Variants in RGS6 observed in about 807,000 individuals in gnomAD.
RGS6 encodes the protein regulator of G protein signaling 6.
In RGS6, 30 loss-of-function variants were observed where a neutral mutation model predicts 78.5. That is an observed-to-expected ratio of 0.38 (90% CI 0.29 to 0.52). RGS6 has a LOEUF of 0.52. RGS6 is among the 20% of genes least tolerant of loss of function. The probability of loss-of-function intolerance (pLI) is 0.85; values close to 1 mark genes in which losing one functional copy is unlikely to be tolerated. For missense variants in RGS6, 495 were observed against 609.7 expected (o/e 0.81, Z 1.98); for synonymous variants, 206 against 206.0 (o/e 1.00, Z 0.00).
At chr14:72,586,582 T>C in the RGS6 span, among the ~76,000 whole-genome samples, 56,372 of 152,016 alleles carry the variant, frequency 0.37, 11,210 homozygotes, top group Non-Finnish European at 0.43. Flanking sequence ...AGTAAGATAC[T>C]GATCCTTTCG....
chr14:72,324,128 T>C (rs185444844), intron 2 of RGS6, among the ~76,000 whole-genome samples: 143 of 152,198 alleles, frequency 9.4e-4, no homozygotes, highest in Non-Finnish European at 1.4e-3. Context: ...AAATACTAGA[T>C]ATTATTCATT....
intron 3 of RGS6, among the ~76,000 whole-genome samples, chr14:72,356,690 G>T (rs1206601274): frequency 5.9e-5 from 9 of 152,184 alleles, no homozygotes; most frequent in Admixed American, 4.6e-4. Context: ...CCTCTATGCT[G>T]TTCTCATGAT....
intron 2 of RGS6, among the ~76,000 whole-genome samples, chr14:72,264,980 G>T (rs2153896749): frequency 6.6e-6 from 1 of 152,328 alleles, no homozygotes; most frequent in South Asian, 2.1e-4. Flanking sequence ...ATGCCTGCCA[G>T]GAGGGAGTTG....
intron 3 of RGS6, among the ~76,000 whole-genome samples, chr14:72,363,094 C>A (rs1001238028): frequency 6.6e-6 from 1 of 152,124 alleles, no homozygotes; most frequent in Non-Finnish European, 1.5e-5. Flanking sequence ...GAAAAGGATA[C>A]AAGAATTACA....
intron 2 of RGS6, among the ~76,000 whole-genome samples, chr14:72,277,813 A>C (rs2060931040): frequency 6.6e-6 from 1 of 152,120 alleles, no homozygotes; most frequent in African/African-American, 2.4e-5. Context: ...CTGTAGTCCC[A>C]GCTATTTGGG....
intron 2 of RGS6, among the ~76,000 whole-genome samples, chr14:72,292,626 C>A (rs1204211231): frequency 2.6e-5 from 4 of 152,212 alleles, no homozygotes; most frequent in Non-Finnish European, 4.4e-5. Context: ...GTTCTGCAGG[C>A]CTGACCTGCT....
rs571958134 is a variant in RGS6 at position 72,470,774 on chromosome 14, G to A, written c.536+691G>A. On this transcript the variant is annotated intron_variant, in intron 8 of 17. Coordinates refer to ENST00000553525, the MANE Select transcript of RGS6 (RefSeq NM_001204424.2). The stretch of plus-strand genomic sequence containing the variant: ...CATGCCTGTAATCCCAGCTACTCAG[G>A]AGGCTGAGGCAGGAGAATTGCTTGA... 3.0e-4 allele frequency among the ~76,000 whole-genome samples: 45 copies of A among 151,994 alleles called. 1 individual carries two copies. The highest frequency in any genetic ancestry group is 6.3e-4 in the South Asian group (3 of 4,790).
intron 2 of RGS6, among the ~76,000 whole-genome samples, chr14:72,031,298 C>T (rs559294542): frequency 6.6e-6 from 1 of 152,230 alleles, no homozygotes; most frequent in East Asian, 1.9e-4. Flanking sequence ...ACATTTCCTG[C>T]ATGTCCATGG....
chr14:72,353,679 A>G (rs866756464), intron 3 of RGS6, among the ~76,000 whole-genome samples: 1 of 152,096 alleles, frequency 6.6e-6, no homozygotes, highest in African/African-American at 2.4e-5. Context: ...GACTCTATAC[A>G]TAGGCCAAAA....
intron 3 of RGS6, among the ~76,000 whole-genome samples, chr14:72,379,260 T>G (rs1432701139): frequency 6.6e-6 from 1 of 152,198 alleles, no homozygotes; most frequent in South Asian, 2.1e-4. Context: ...GCTTTTTCAC[T>G]AAGAACTGGA....
intron 2 of RGS6, among the ~76,000 whole-genome samples, chr14:72,283,073 C>T (rs1464977525): frequency 2.0e-5 from 3 of 152,206 alleles, no homozygotes; most frequent in Non-Finnish European, 2.9e-5. Flanking sequence ...TAGTGTCCTC[C>T]AAGCTTATCT....
chr14:71,918,184 C>CAAAAAAAAAAA, the RGS6 span, among the ~76,000 whole-genome samples: 19 of 33,722 alleles, frequency 5.6e-4, 7 homozygotes, highest in Non-Finnish European at 9.2e-4. Context: ...ACTCCAGTCT[C>CAAAAAAAAAAA]AAAAAAAAAA....
chr14:72,291,618 A>G (rs1166499779), intron 2 of RGS6, among the ~76,000 whole-genome samples: 2 of 152,260 alleles, frequency 1.3e-5, no homozygotes, highest in African/African-American at 2.4e-5. Context: ...AATTGAGAAC[A>G]GCAAGCCAGA....
At chr14:72,320,480 A>G (rs1282077806) in intron 2 of RGS6, among the ~76,000 whole-genome samples, 1 of 152,174 alleles carries the variant, frequency 6.6e-6, no homozygotes. Flanking sequence ...TGGGAGGCTG[A>G]GGCAGGAGAA....
At chr14:71,966,502 G>A (rs2093524061) in intron 2 of RGS6, among the ~76,000 whole-genome samples, 1 of 152,198 alleles carries the variant, frequency 6.6e-6, no homozygotes, top group African/African-American at 2.4e-5. Context: ...CCCCAAACTG[G>A]GAGACCCCGT....
intron 1 of RGS6, among the ~76,000 whole-genome samples, chr14:71,954,125 T>C (rs2092604938): frequency 6.6e-6 from 1 of 151,890 alleles, no homozygotes; most frequent in Non-Finnish European, 1.5e-5. Flanking sequence ...GCAGTTTGAA[T>C]ATGATATACC....
chr14:72,207,084 GACATA>G (rs755190347), intron 2 of RGS6, among the ~76,000 whole-genome samples: 34 of 152,228 alleles, frequency 2.2e-4, no homozygotes, highest in Middle Eastern at 3.4e-3. Flanking sequence ...TAAACTCATA[GACATA>G]ACATATTTAT....
At chr14:72,034,097 A>G (rs1336183186) in intron 2 of RGS6, among the ~76,000 whole-genome samples, 4 of 152,114 alleles carry the variant, frequency 2.6e-5, no homozygotes, top group East Asian at 1.9e-4. Context: ...CCTTTGCCCA[A>G]TTTTAAGATT....
At chr14:72,608,281 G>C in the RGS6 span, among the ~76,000 whole-genome samples, 11 of 152,162 alleles carry the variant, frequency 7.2e-5, no homozygotes, top group African/African-American at 2.7e-4. Flanking sequence ...TTGGGAGACT[G>C]ACTCTTAACT....
Sources: gnomAD v4.1 joint callset for allele counts (sites outside exome capture counted in the v4.1 genomes callset) on GRCh38, gnomAD v4.1.1 for gene constraint, MANE v1.5 for transcripts, NCBI Gene and HGNC (gene_info 2026-07-23, HGNC 2026-07-21) for gene names.